Variants in KCNK3 observed in about 807,000 individuals in gnomAD.
The protein encoded by KCNK3 is potassium two pore domain channel subfamily K member 3.
In KCNK3, 9 loss-of-function variants were observed where a neutral mutation model predicts 27.3. That is an observed-to-expected ratio of 0.33 (90% CI 0.20 to 0.57). KCNK3 has a LOEUF of 0.57. KCNK3 is among the 20% of genes least tolerant of loss of function. The pLI is 0.87. For synonymous variants in KCNK3, 278 were observed against 273.8 expected (o/e 1.02, Z -0.15); for missense variants, 391 against 577.7 (o/e 0.68, Z 3.31).
In KCNK3 at chr2:26,728,151, C is replaced by A; in HGVS notation, c.768C>A (p.Arg256=). ...CCATGAACGCCGAGGACGAGAAGCG[C>A]GACGCCGAGCACCGCGCGCTGCTCA... ...FMTMNAEDEK[R]DAEHRALLTR... The change falls in exon 2 of 2, where the codon CGC becomes CGA. Residue 256 remains arginine (R), a synonymous_variant. Transcript: ENST00000302909. 6.3e-7 allele frequency: 1 copy of A among 1,584,978 alleles called. No homozygotes were observed. Among genetic ancestry groups the A allele is most frequent in the Non-Finnish European group, 8.6e-7 (1 of 1,165,604 alleles).
chr2:26,710,101 T>C (rs1037870690), intron 1 of KCNK3, among the ~76,000 whole-genome samples: 1 of 152,208 alleles, frequency 6.6e-6, no homozygotes, highest in Non-Finnish European at 1.5e-5. Context: ...CCTCCCACCC[T>C]GTCCTTGCGA....
rs182140041 is a variant in KCNK3, at chr2:26,700,582, C to G, written c.283+7424C>G. On this transcript the variant is annotated intron_variant, in intron 1 of 1. Coordinates refer to ENST00000302909, the MANE Select transcript of KCNK3 (RefSeq NM_002246.3). ...GCAAGTTCCTTACTACCCCTGCTTCCTCCAGTGACACAGCAAAGATCCCTT... is the reference window on the plus strand; with the variant it reads ...GCAAGTTCCTTACTACCCCTGCTTCGTCCAGTGACACAGCAAAGATCCCTT... Among the ~76,000 whole-genome samples, 462 of 152,340 alleles carry G rather than the reference C, an allele frequency of 3.0e-3. 3 individuals are homozygous for G. Among genetic ancestry groups the G allele is most frequent in the African/African-American group, 0.01 (434 of 41,578 alleles).
At position 26,728,796 on chromosome 2, in the gene KCNK3, G is replaced by T; in HGVS notation, c.*228G>T. 1 of 403,336 alleles carries T rather than the reference G, an allele frequency of 2.5e-6. No homozygotes were observed. Among genetic ancestry groups the T allele is most frequent in the Non-Finnish European group, 4.3e-6 (1 of 230,324 alleles). 25.0% of individuals were successfully genotyped at this position (403,336 alleles called of 1,614,324 possible). A position where few individuals can be genotyped will look rare whatever the true frequency, so the allele number is the denominator to read the frequency against. ...CGGAGCCCTGCAAATTCCGAGAAATGTGAAACTTGGTGGGGTCAGGGAGGA... is the reference window on the plus strand; with the variant it reads ...CGGAGCCCTGCAAATTCCGAGAAATTTGAAACTTGGTGGGGTCAGGGAGGA... On this transcript the variant is annotated 3_prime_UTR_variant, in exon 2 of 2. Coordinates refer to ENST00000302909, the MANE Select transcript of KCNK3 (RefSeq NM_002246.3).
At position 26,726,166 on chromosome 2, in the gene KCNK3, C is replaced by T. The variant is rs558440149; in HGVS notation, c.284-1501C>T. 2.0e-5 allele frequency among the ~76,000 whole-genome samples: 3 copies of T among 151,708 alleles called. No individual in the cohort carries two copies. In the South Asian group the frequency reaches 6.3e-4, roughly 32 times the overall value. Reference sequence around the variant, plus strand: ...AGACAGTAAGTCCAGGACAGAGTCACACAGTATCCTGCCTTGCAATTTAGT... The same window carrying T: ...AGACAGTAAGTCCAGGACAGAGTCATACAGTATCCTGCCTTGCAATTTAGT... On this transcript the variant is annotated intron_variant, in intron 1 of 1. Coordinates refer to ENST00000302909, the MANE Select transcript of KCNK3 (RefSeq NM_002246.3).
Position 26,728,031 on chromosome 2 carries a change from G to A in KCNK3, c.648G>A (p.Thr216=), listed in dbSNP as rs1663456696. Residue 216 remains threonine, a synonymous_variant, in exon 2 of 2, where the codon ACG becomes ACA. Transcript: ENST00000302909. ...VALQKDQALQ[T]QPQYVAFSFV... ...TGCAGAAGGACCAGGCCCTGCAGAC[G>A]CAGCCGCAGTACGTGGCCTTCAGCT... The A allele has an allele frequency of 6.2e-7, 1 of 1,614,204 alleles. No homozygotes were observed. The highest frequency in any genetic ancestry group is 1.1e-5 in the South Asian group (1 of 91,084).
chr2:26,703,300 A>G (rs900882926), intron 1 of KCNK3, among the ~76,000 whole-genome samples: 1 of 152,196 alleles, frequency 6.6e-6, no homozygotes, highest in Non-Finnish European at 1.5e-5. Flanking sequence ...ATGAACTTTA[A>G]TCACATCTAC....
intron 1 of KCNK3, among the ~76,000 whole-genome samples, chr2:26,697,185 GA>G (rs1479597182): frequency 6.6e-6 from 1 of 152,062 alleles, no homozygotes; most frequent in Non-Finnish European, 1.5e-5. Context: ...AATTTTTCAC[GA>G]ATTCTTTCTC....
chr2:26,699,928 C>A (rs183116477), intron 1 of KCNK3, among the ~76,000 whole-genome samples: 385 of 152,308 alleles, frequency 2.5e-3, no homozygotes, highest in African/African-American at 8.9e-3. Context: ...GGGAGTATTT[C>A]TTCATGGAGT....
rs182131700 is a variant in KCNK3 at position 26,708,390 on chromosome 2, T to G, written c.283+15232T>G. Among the ~76,000 whole-genome samples the G allele has an allele frequency of 1.1e-3, 172 of 152,270 alleles. 3 individuals carry two copies. The highest frequency in any genetic ancestry group is 8.2e-3 in the Admixed American group (126 of 15,290). The stretch of plus-strand genomic sequence containing the variant: ...AGACCATGGTCAAGAGTTTGGATTT[T>G]TGGCTGGGCGCGGTGGCTCACACCT... On this transcript the variant is annotated intron_variant, in intron 1 of 1. Transcript: ENST00000302909.
In KCNK3 at chr2:26,731,188, C is replaced by G. The variant is rs925377471; in HGVS notation, c.*2620C>G. ...AATGGCGCCCAATAAATGCTATCCA[C>G]GGAGACCAGGCTCAGGCTCCAGCTG... On this transcript the variant is annotated 3_prime_UTR_variant, in exon 2 of 2. Coordinates refer to ENST00000302909, the MANE Select transcript of KCNK3 (RefSeq NM_002246.3). The G allele has an allele frequency of 6.6e-6, 1 of 152,236 alleles. No homozygotes were observed. The highest frequency in any genetic ancestry group is 2.4e-5 in the African/African-American group (1 of 41,432). 9.4% of individuals were successfully genotyped at this position (152,236 alleles called of 1,614,324 possible).
rs1373211750 is a variant in KCNK3, at chr2:26,697,609, G to A, written c.283+4451G>A. Among the ~76,000 whole-genome samples the A allele has an allele frequency of 3.3e-5, 5 of 152,062 alleles. No individual in the cohort carries two copies. The East Asian group carries it at 5.8e-4, about 18-fold the overall frequency. On this transcript the variant is annotated intron_variant, in intron 1 of 1. Transcript: ENST00000302909. Reference sequence around the variant, plus strand: ...ACCCTGGCCCCTGACCAAACCAGACGACTTGTCACAGCTGTGCCCAGCACC... The same window carrying A: ...ACCCTGGCCCCTGACCAAACCAGACAACTTGTCACAGCTGTGCCCAGCACC...
chr2:26,718,693 C>T (rs1216000396), intron 1 of KCNK3, among the ~76,000 whole-genome samples: 1 of 152,122 alleles, frequency 6.6e-6, no homozygotes, highest in Non-Finnish European at 1.5e-5. Context: ...ACCACAGCCT[C>T]GACCTCCCGG....
chr2:26,723,492 AC>A (rs1663359074), intron 1 of KCNK3, among the ~76,000 whole-genome samples: 1 of 152,174 alleles, frequency 6.6e-6, no homozygotes, highest in Non-Finnish European at 1.5e-5. Flanking sequence ...GTCCCAGGCC[AC>A]CTCTTAGCTG....
chr2:26,703,048 G>A (rs1232403025), intron 1 of KCNK3, among the ~76,000 whole-genome samples: 8 of 152,112 alleles, frequency 5.3e-5, no homozygotes, highest in African/African-American at 1.4e-4. Flanking sequence ...CCTGGGAGGC[G>A]GAGGTTGCAG....
At chr2:26,707,906 C>T (rs918233630) in intron 1 of KCNK3, among the ~76,000 whole-genome samples, 3 of 152,190 alleles carry the variant, frequency 2.0e-5, no homozygotes, top group South Asian at 4.2e-4. Context: ...CTCAGGTCCC[C>T]GACTCTTTCC....
chr2:26,715,011 T>C (rs925727113), intron 1 of KCNK3, among the ~76,000 whole-genome samples: 1 of 152,228 alleles, frequency 6.6e-6, no homozygotes, highest in African/African-American at 2.4e-5. Context: ...TGTGTGGCCT[T>C]GTCCAAATCA....
At position 26,728,788 on chromosome 2, in the gene KCNK3, C is replaced by T. The variant is rs781004619; in HGVS notation, c.*220C>T. ...GCCCCCATCGGAGCCCTGCAAATTC[C>T]GAGAAATGTGAAACTTGGTGGGGTC... On this transcript the variant is annotated 3_prime_UTR_variant, in exon 2 of 2. Transcript: ENST00000302909. The T allele has an allele frequency of 2.0e-5, 8 of 405,238 alleles. No individual in the cohort carries two copies. Among genetic ancestry groups the T allele is most frequent in the Non-Finnish European group, 2.6e-5 (6 of 232,270 alleles). The allele number at this position is 405,238 out of a possible 1,614,324, so 25.1% of individuals were successfully genotyped here.
At chr2:26,727,374 G>A (rs932866738) in intron 1 of KCNK3, among the ~76,000 whole-genome samples, 10 of 152,152 alleles carry the variant, frequency 6.6e-5, no homozygotes, top group Non-Finnish European at 1.3e-4. Context: ...CCGTCATTGA[G>A]GTCAAACGGA....
chr2:26,720,769 G>T (rs78637252), intron 1 of KCNK3, among the ~76,000 whole-genome samples: 4 of 152,016 alleles, frequency 2.6e-5, no homozygotes, highest in African/African-American at 9.7e-5. Flanking sequence ...GAGAGGCCTC[G>T]GGAAGGGGCA....
Sources: allele counts gnomAD v4.1 joint callset (sites outside exome capture counted in the v4.1 genomes callset), GRCh38; gene constraint gnomAD v4.1.1; transcripts MANE v1.5; gene names NCBI Gene and HGNC (gene_info 2026-07-23, HGNC 2026-07-21).